STK31: variants seen among roughly 807,000 people sequenced by gnomAD.
STK31 encodes serine/threonine kinase 31, also known as serine/threonine-protein kinase 31.
In STK31, 89 loss-of-function variants were observed where a neutral mutation model predicts 129.7. The ratio of observed to expected loss-of-function variants is 0.69; its 90% CI spans 0.58 to 0.82. STK31 has a LOEUF of 0.82. Ranked by LOEUF, STK31 falls within the 40% of genes least tolerant of loss-of-function variation. STK31 has a pLI of 0.00. For missense variants in STK31, 1,187 were observed against 1,176.4 expected (o/e 1.01, Z -0.13); for synonymous variants, 448 against 395.3 (o/e 1.13, Z -1.58).
At position 23,727,291 on chromosome 7, in the gene STK31, A is replaced by C. The variant is rs764675774; in HGVS notation, c.300A>C (p.Val100=). The C allele has an allele frequency of 6.2e-7, 1 of 1,613,652 alleles. No homozygotes were observed. Among genetic ancestry groups the C allele is most frequent in the Admixed American group, 1.7e-5 (1 of 59,990 alleles). Reference sequence around the variant, plus strand: ...ATCAGTGTTGGTACAGATGCAAAGTACTGAAAATCATCAGCGTTGAAAAGG... The same window carrying C: ...ATCAGTGTTGGTACAGATGCAAAGTCCTGAAAATCATCAGCGTTGAAAAGG... ...SEDQCWYRCK[V]LKIISVEKCL... The change falls in exon 5 of 24, where the codon GTA becomes GTC. Residue 100 remains valine, a synonymous_variant. Coordinates refer to ENST00000355870, the MANE Select transcript of STK31 (RefSeq NM_031414.5).
intron 22 of STK31, among the ~76,000 whole-genome samples, chr7:23,804,556 A>G (rs752081443): frequency 5.3e-5 from 8 of 152,124 alleles, no homozygotes; most frequent in Non-Finnish European, 8.8e-5. Context: ...TTATGGCCCC[A>G]TGTACATCAT....
At chr7:23,808,176 G>A (rs371928090) in intron 22 of STK31, among the ~76,000 whole-genome samples, 1 of 116,280 alleles carries the variant, frequency 8.6e-6, no homozygotes, top group Non-Finnish European at 1.9e-5. Flanking sequence ...TATATTTTTT[G>A]TAGGCAGCCA....
intron 15 of STK31, among the ~76,000 whole-genome samples, chr7:23,775,364 A>G (rs1332196529): frequency 6.6e-6 from 1 of 152,218 alleles, no homozygotes; most frequent in Non-Finnish European, 1.5e-5. Context: ...AATTCTGTGC[A>G]GAAATTCAGT....
In STK31 at chr7:23,729,813, G is replaced by C. The variant is rs150488005; in HGVS notation, c.483+564G>C. Reference sequence around the variant, plus strand: ...GCATGAGCCACTGCGCCCAGCCAAGGATAGTCTCTTATATGATGGAGAAAA... The same window carrying C: ...GCATGAGCCACTGCGCCCAGCCAAGCATAGTCTCTTATATGATGGAGAAAA... On this transcript the variant is annotated intron_variant, in intron 6 of 23. Transcript: ENST00000355870. Among the ~76,000 whole-genome samples, 234 of 152,152 alleles carry C rather than the reference G, an allele frequency of 1.5e-3. 2 individuals are homozygous for C. The highest frequency in any genetic ancestry group is 5.0e-3 in the African/African-American group (208 of 41,540).
rs1198734067 is a variant in STK31, at chr7:23,822,230, T to G, written c.2829+7018T>G. Reference sequence around the variant, plus strand: ...AATCTGTAGATTTCTTTGGGTAGTATGGGCATTTTAACAATACTAATCTTC... The same window carrying G: ...AATCTGTAGATTTCTTTGGGTAGTAGGGGCATTTTAACAATACTAATCTTC... On this transcript the variant is annotated intron_variant, in intron 23 of 23. Transcript: ENST00000355870. 2.0e-5 allele frequency among the ~76,000 whole-genome samples: 3 copies of G among 152,330 alleles called. No individual in the cohort carries two copies. In the East Asian group the frequency reaches 5.8e-4, roughly 29 times the overall value.
intron 22 of STK31, among the ~76,000 whole-genome samples, chr7:23,807,404 A>G (rs1792776856): frequency 6.6e-6 from 1 of 152,188 alleles, no homozygotes; most frequent in East Asian, 1.9e-4. Context: ...GTTTCTGATG[A>G]GAAATTCACT....
chr7:23,748,607 A>C (rs987250790), intron 8 of STK31, among the ~76,000 whole-genome samples: 1 of 152,240 alleles, frequency 6.6e-6, no homozygotes, highest in Non-Finnish European at 1.5e-5. Context: ...CCCTGTCCTC[A>C]GCCTGCTCAA....
At chr7:23,791,444 A>C (rs2128114567) in intron 22 of STK31, 3 of 297,440 alleles carry the variant, frequency 1.0e-5, no homozygotes, top group Non-Finnish European at 1.5e-5. Context: ...GACACAAAGA[A>C]GGGACACTGG....
intron 23 of STK31, among the ~76,000 whole-genome samples, chr7:23,827,305 C>A (rs533420436): frequency 6.6e-6 from 1 of 152,138 alleles, no homozygotes; most frequent in Admixed American, 6.6e-5. Context: ...TCTTTTTATT[C>A]TTTTTTCTCT....
chr7:23,765,454 TG>T (rs1213304678), intron 11 of STK31, among the ~76,000 whole-genome samples: 4 of 152,342 alleles, frequency 2.6e-5, no homozygotes, highest in African/African-American at 9.6e-5. Context: ...ATATCTTTTT[TG>T]TTGGTAACTT....
chr7:23,821,196 T>A (rs780730325), intron 23 of STK31, among the ~76,000 whole-genome samples: 2 of 152,198 alleles, frequency 1.3e-5, no homozygotes, highest in African/African-American at 4.8e-5. Context: ...GATAGTTCCA[T>A]TTTTAGTTTT....
intron 22 of STK31, among the ~76,000 whole-genome samples, chr7:23,794,194 TG>T (rs762314365): frequency 5.9e-5 from 9 of 152,164 alleles, no homozygotes; most frequent in Admixed American, 2.0e-4. Flanking sequence ...GTTTCAAGGG[TG>T]GGGTCAGGTG....
chr7:23,745,065 T>C (rs536335879), intron 8 of STK31, among the ~76,000 whole-genome samples: 1 of 152,278 alleles, frequency 6.6e-6, no homozygotes, highest in Non-Finnish European at 1.5e-5. Context: ...TGGTCTACAC[T>C]GGTGTTAGTG....
chr7:23,736,011 C>G (rs1336381714), intron 7 of STK31, 115 bp downstream of exon 7: 1 of 789,742 alleles, frequency 1.3e-6, no homozygotes, highest in Non-Finnish European at 1.9e-6. Flanking sequence ...ATTTTAAGGG[C>G]TGATGCTGAT....
chr7:23,718,126 A>G (rs955049670), intron 4 of STK31, among the ~76,000 whole-genome samples: 1 of 152,186 alleles, frequency 6.6e-6, no homozygotes, highest in Non-Finnish European at 1.5e-5. Context: ...CTACAGTTAA[A>G]AATAGGAAAA....
chr7:23,829,269 A>G (rs574843081), intron 23 of STK31, among the ~76,000 whole-genome samples: 2 of 152,122 alleles, frequency 1.3e-5, no homozygotes, highest in South Asian at 2.1e-4. Context: ...TTTGTTACAG[A>G]TAGGCTTTAT....
At chr7:23,813,078 C>CTTTTTTTTTTTTTTTTTTTTTTTT (rs70956924) in intron 22 of STK31, among the ~76,000 whole-genome samples, 7 of 94,108 alleles carry the variant, frequency 7.4e-5, no homozygotes, top group Non-Finnish European at 1.2e-4. Context: ...GCTCTCTGTT[C>CTTTTTTTTTTTTTTTTTTTTTTTT]TTTTTTTTTT....
In STK31 at chr7:23,781,517, A is replaced by G; in HGVS notation, c.2064A>G (p.Glu688=). 1 of 1,596,796 alleles carries G rather than the reference A, an allele frequency of 6.3e-7. No homozygotes were observed. Among genetic ancestry groups the G allele is most frequent in the Non-Finnish European group, 8.5e-7 (1 of 1,171,798 alleles). The part of the protein sequence containing the change: ...VFQEIYHERE[E]YEMLTSLAQK... ...AGGAAATTTATCATGAGAGAGAGGA[A>G]TATGTAAGTATTTGGTTCTTTGAAG... is the stretch of plus-strand genomic sequence containing the variant. Residue 688 remains glutamate, a synonymous_variant, in exon 16 of 24, where the codon GAA becomes GAG. Coordinates refer to ENST00000355870, the MANE Select transcript of STK31 (RefSeq NM_031414.5).
intron 23 of STK31, among the ~76,000 whole-genome samples, chr7:23,817,939 TC>T (rs1224032356): frequency 2.0e-5 from 3 of 152,074 alleles, no homozygotes; most frequent in African/African-American, 7.2e-5. Flanking sequence ...TATTAATTTT[TC>T]TGTATTGTTT....
Sources: gnomAD v4.1 joint callset for allele counts (sites outside exome capture counted in the v4.1 genomes callset) on GRCh38, gnomAD v4.1.1 for gene constraint, MANE v1.5 for transcripts, NCBI Gene and HGNC (gene_info 2026-07-23, HGNC 2026-07-21) for gene names.